The following SNRPA1 variants were observed in gnomAD, a reference collection of about 807,000 sequenced individuals.
SNRPA1 encodes the protein U2 small nuclear ribonucleoprotein A'.
A neutral mutation model predicts 32.3 loss-of-function variants in SNRPA1; 5 were observed. The ratio of observed to expected loss-of-function variants is 0.15; its 90% CI spans 0.08 to 0.33. The LOEUF is 0.33. Ranked by LOEUF, SNRPA1 falls within the 10% of genes least tolerant of loss-of-function variation. The probability of loss-of-function intolerance (pLI) is 1.00; values close to 1 mark genes in which losing one functional copy is unlikely to be tolerated. For synonymous variants in SNRPA1, 111 were observed against 120.1 expected (o/e 0.92, Z 0.50); for missense variants, 198 against 311.1 (o/e 0.64, Z 2.74).
Position 101,293,135 on chromosome 15 carries a change from C to A in SNRPA1, c.120G>T (p.Thr40=), listed in dbSNP as rs576423305. ...AATCAATAGCATCAAACTGGTCTAA[C>A]GTAGCACCTAGATTTTCAATGACGG... ...KIPVIENLGA[T]LDQFDAIDFS... The change falls in exon 2 of 9, where the codon ACG becomes ACT. Residue 40 remains threonine, a synonymous_variant. Transcript: ENST00000254193. The A allele has an allele frequency of 1.2e-5, 20 of 1,610,222 alleles. No homozygotes were observed. Among genetic ancestry groups the A allele is most frequent in the African/African-American group, 2.7e-5 (2 of 74,806 alleles).
chr15:101,286,595 C>T (rs1362686573), intron 5 of SNRPA1: 5 of 461,300 alleles, frequency 1.1e-5, no homozygotes, highest in East Asian at 3.8e-5. Context: ...CGGAGCTGCA[C>T]GAAAGTAGGT....
Position 101,287,021 on chromosome 15 carries a change from AGGAATGACACAATGGCAAACTTGTTCAT to A in SNRPA1, c.357-39_357-12del. 1 of 1,472,488 alleles carries A rather than the reference AGGAATGACACAATGGCAAACTTGTTCAT, an allele frequency of 6.8e-7. No individual in the cohort carries two copies. Among genetic ancestry groups the A allele is most frequent in the Non-Finnish European group, 9.5e-7 (1 of 1,053,036 alleles). The allele number at this position is 1,472,488 out of a possible 1,614,324, so 91.2% of individuals were successfully genotyped here. A position where few individuals can be genotyped will look rare whatever the true frequency, so the allele number is the denominator to read the frequency against. ...GGATTTCTTAGGATACTACAAGAAA[AGGAATGACACAATGGCAAACTTGTTCAT>A]GGCACAGCACTCAAGAGGTCTGTTT... On this transcript the variant is annotated splice_polypyrimidine_tract_variant and intron_variant, in intron 4 of 8. Transcript: ENST00000254193.
intron 1 of SNRPA1, 62 bp from the exon 2 acceptor site, chr15:101,293,234 G>T: frequency 8.6e-7 from 1 of 1,159,474 alleles, no homozygotes; most frequent in Non-Finnish European, 1.2e-6. Flanking sequence ...GCCCCTTAAA[G>T]CATTAGCTGT....
intron 8 of SNRPA1, among the ~76,000 whole-genome samples, chr15:101,282,300 ATTGT>A (rs2141304237): frequency 6.6e-6 from 1 of 152,362 alleles, no homozygotes; most frequent in East Asian, 1.9e-4. Flanking sequence ...AACTCCTTCA[ATTGT>A]TTGGGAAACA....
intron 3 of SNRPA1, chr15:101,289,870 A>G (rs1329201482): frequency 7.1e-6 from 1 of 141,792 alleles, no homozygotes; most frequent in Non-Finnish European, 1.5e-5. Flanking sequence ...TGAACCCAGG[A>G]GGCAGAGGTT....
At chr15:101,284,824 G>A in intron 8 of SNRPA1, 143 bp downstream of exon 8, 1 of 682,306 alleles carries the variant, frequency 1.5e-6, no homozygotes, top group Non-Finnish European at 2.6e-6. Flanking sequence ...TATCTTCAAA[G>A]AGCATTTAAA....
intron 4 of SNRPA1, among the ~76,000 whole-genome samples, 186 bp from the exon 5 acceptor site, chr15:101,287,196 A>C (rs182057047): frequency 6.6e-6 from 1 of 152,196 alleles, no homozygotes; most frequent in Admixed American, 6.5e-5. Flanking sequence ...TTTTTTTTTA[A>C]ATTATACTTT....
intron 3 of SNRPA1, among the ~76,000 whole-genome samples, chr15:101,288,872 G>C (rs940876274): frequency 1.3e-5 from 2 of 152,196 alleles, no homozygotes; most frequent in Non-Finnish European, 2.9e-5. Context: ...GGCTGCAGGG[G>C]CAAGAGCAAT....
chr15:101,285,215 A>G (rs2039441654), intron 7 of SNRPA1, 155 bp from the exon 8 acceptor site: 1 of 566,330 alleles, frequency 1.8e-6, no homozygotes, highest in Admixed American at 3.0e-5. Context: ...TTATTGGCCC[A>G]CAAAAATAAA....
Position 101,293,038 on chromosome 15 carries a change from T to G in SNRPA1, c.217A>C (p.Asn73His), listed in dbSNP as rs1286980212. The G allele has an allele frequency of 6.2e-7, 1 of 1,610,054 alleles. No homozygotes were observed. Reference protein sequence around the residue: ...LRRLKTLLVNNNRICRIGEGL... With the variant: ...LRRLKTLLVNHNRICRIGEGL... Reference sequence around the variant, plus strand: ...ACAGACACGTACCATATTCTGTTGTTGTTCACTAACAATGTTTTCAGTCTT... The same window carrying G: ...ACAGACACGTACCATATTCTGTTGTGGTTCACTAACAATGTTTTCAGTCTT... The change falls in exon 2 of 9, where the codon AAC becomes CAC. Residue 73 changes from asparagine to histidine, a missense_variant. Asn to His is a moderately conservative substitution (Grantham distance 68). Coordinates refer to ENST00000254193, the MANE Select transcript of SNRPA1 (RefSeq NM_003090.4).
At chr15:101,283,058 T>C (rs2039414522) in intron 8 of SNRPA1, among the ~76,000 whole-genome samples, 1 of 152,098 alleles carries the variant, frequency 6.6e-6, no homozygotes, top group Non-Finnish European at 1.5e-5. Flanking sequence ...TTTAATTATC[T>C]TTACTGCTGC....
At position 101,281,542 on chromosome 15, in the gene SNRPA1, A is replaced by C; in HGVS notation, c.*182T>G. On this transcript the variant is annotated 3_prime_UTR_variant, in exon 9 of 9. Coordinates refer to ENST00000254193, the MANE Select transcript of SNRPA1 (RefSeq NM_003090.4). ...CATAGTGAGTGGAGTTTATTTTTAT[A>C]ATTTGTAGAAAATTGACATTTAGAT... 1 of 576,816 alleles carries C rather than the reference A, an allele frequency of 1.7e-6. No individual in the cohort carries two copies. Among genetic ancestry groups the C allele is most frequent in the Non-Finnish European group, 3.2e-6 (1 of 317,420 alleles). The allele number at this position is 576,816 out of a possible 1,614,324, so 35.7% of individuals were successfully genotyped here.
intron 3 of SNRPA1, among the ~76,000 whole-genome samples, chr15:101,290,667 T>G (rs1402087740): frequency 6.6e-6 from 1 of 151,314 alleles, no homozygotes; most frequent in Non-Finnish European, 1.5e-5. Flanking sequence ...GACTGATGGC[T>G]AGGGCTCAAG....
chr15:101,291,753 A>G (rs1440356959), intron 3 of SNRPA1, among the ~76,000 whole-genome samples: 1 of 152,250 alleles, frequency 6.6e-6, no homozygotes, highest in Admixed American at 6.5e-5. Context: ...AACTTCTCTA[A>G]CAAGACATCC....
intron 7 of SNRPA1, 22 bp downstream of exon 7, chr15:101,285,704 A>G: frequency 6.4e-7 from 1 of 1,569,680 alleles, no homozygotes; most frequent in Non-Finnish European, 8.8e-7. Context: ...ATTCCAGTCC[A>G]AGAATCCTAA....
chr15:101,294,940 G>C, intron 1 of SNRPA1, 157 bp downstream of exon 1: 1 of 485,694 alleles, frequency 2.1e-6, no homozygotes, highest in South Asian at 3.0e-5. Context: ...TGGCAACAAC[G>C]GCAAGAATCA....
intron 3 of SNRPA1, among the ~76,000 whole-genome samples, chr15:101,289,216 T>C (rs1319944955): frequency 6.6e-6 from 1 of 152,206 alleles, no homozygotes; most frequent in Non-Finnish European, 1.5e-5. Flanking sequence ...GGCGATGTAG[T>C]GATGGGCTTC....
chr15:101,293,868 A>G (rs1345101142), intron 1 of SNRPA1, among the ~76,000 whole-genome samples: 1 of 152,250 alleles, frequency 6.6e-6, no homozygotes, highest in East Asian at 1.9e-4. Context: ...GCTGTACTAC[A>G]CGTACTGCAT....
intron 4 of SNRPA1, 84 bp from the exon 5 acceptor site, chr15:101,287,094 T>C: frequency 1.6e-6 from 1 of 613,980 alleles, no homozygotes; most frequent in East Asian, 2.8e-5. Flanking sequence ...AAGGAACCTA[T>C]AAATCAAGGG....
Sources: gnomAD v4.1 joint callset for allele counts (sites outside exome capture counted in the v4.1 genomes callset) on GRCh38, gnomAD v4.1.1 for gene constraint, MANE v1.5 for transcripts, NCBI Gene and HGNC (gene_info 2026-07-23, HGNC 2026-07-21) for gene names.